The following RPAP2 variants were observed in gnomAD, a reference collection of about 807,000 sequenced individuals.
The protein encoded by RPAP2 is RNA polymerase II associated protein 2.
A neutral mutation model predicts 73.1 loss-of-function variants in RPAP2; 52 were observed. The ratio of observed to expected loss-of-function variants is 0.71; its 90% CI spans 0.57 to 0.90. The LOEUF (loss-of-function observed/expected upper bound fraction) is 0.90. Among genes scored for constraint, RPAP2 ranks in the 40% least tolerant of loss-of-function variants. The pLI is 0.00. For missense variants in RPAP2, 598 were observed against 701.8 expected (o/e 0.85, Z 1.67); for synonymous variants, 225 against 242.1 (o/e 0.93, Z 0.65).
chr1:92,353,647 T>C (rs1333629788), intron 11 of RPAP2, among the ~76,000 whole-genome samples: 2 of 152,192 alleles, frequency 1.3e-5, no homozygotes, highest in Admixed American at 1.3e-4. Flanking sequence ...CTTATATACA[T>C]CTTGAATTTG....
chr1:92,327,692 C>T (rs757468915), intron 8 of RPAP2, among the ~76,000 whole-genome samples: 17 of 150,346 alleles, frequency 1.1e-4, no homozygotes, highest in African/African-American at 1.7e-4. Context: ...TTCTATTCAT[C>T]GTGCTATTTG....
At chr1:92,350,569 C>T (rs1250531662) in intron 11 of RPAP2, among the ~76,000 whole-genome samples, 4 of 152,034 alleles carry the variant, frequency 2.6e-5, no homozygotes, top group South Asian at 2.1e-4. Flanking sequence ...ACTAAATATG[C>T]CCTATTGAGA....
chr1:92,333,333 T>C, intron 8 of RPAP2, 58 bp from the exon 9 acceptor site: 1 of 1,362,128 alleles, frequency 7.3e-7, no homozygotes, highest in Non-Finnish European at 1.0e-6. Context: ...GTTCTGCTTA[T>C]CAAAGAAAGA....
chr1:92,373,851 G>A (rs1216511488), intron 11 of RPAP2, among the ~76,000 whole-genome samples: 4 of 151,566 alleles, frequency 2.6e-5, no homozygotes, highest in African/African-American at 9.7e-5. Context: ...CCCAGGAGGC[G>A]GAGGTTGCAG....
chr1:92,339,130 A>G (rs1324843061), intron 10 of RPAP2, among the ~76,000 whole-genome samples: 1 of 152,134 alleles, frequency 6.6e-6, no homozygotes, highest in Non-Finnish European at 1.5e-5. Context: ...ATATTTTTCT[A>G]TAGATCTAAT....
At chr1:92,300,163 T>G in intron 1 of RPAP2, 31 bp from the exon 2 acceptor site, 1 of 1,521,534 alleles carries the variant, frequency 6.6e-7, no homozygotes, top group Non-Finnish European at 9.1e-7. Flanking sequence ...GAAATGTCAT[T>G]ATGTAGCACA....
chr1:92,392,423 A>G lies in RPAP2; in HGVS notation c.*5412A>G, dbSNP rs936665972. On this transcript the variant is annotated 3_prime_UTR_variant, in exon 13 of 13. Transcript: ENST00000610020. ...GTTATTTATGACAAACCCACAGCCA[A>G]TAGCATACTGAATGGGCAAAAGCTG... 12 of 152,218 alleles carry G rather than the reference A, an allele frequency of 7.9e-5. No homozygotes were observed. The highest frequency in any genetic ancestry group is 2.9e-4 in the African/African-American group (12 of 41,452). 9.4% of individuals were successfully genotyped at this position (152,218 alleles called of 1,614,324 possible). A position where few individuals can be genotyped will look rare whatever the true frequency, so the allele number is the denominator to read the frequency against.
At position 92,387,846 on chromosome 1, in the gene RPAP2, T is replaced by C. The variant is rs1311383711; in HGVS notation, c.*835T>C. The C allele has an allele frequency of 6.6e-6, 1 of 152,196 alleles. No homozygotes were observed. The allele number at this position is 152,196 out of a possible 1,614,324, so 9.4% of individuals were successfully genotyped here. A position where few individuals can be genotyped will look rare whatever the true frequency, so the allele number is the denominator to read the frequency against. On this transcript the variant is annotated 3_prime_UTR_variant, in exon 13 of 13. Transcript: ENST00000610020. ...AGCTCTGTGGCCCAGTCACCTAAAC[T>C]TTCTGGACTTCAGTTCAGGTTGTAT... is the stretch of plus-strand genomic sequence containing the variant.
In RPAP2 at chr1:92,383,984, G is replaced by A. The variant is rs148751625; in HGVS notation, c.*-3027G>A. Among the ~76,000 whole-genome samples the A allele has an allele frequency of 3.8e-3, 557 of 145,030 alleles. 3 individuals carry two copies. Among genetic ancestry groups the A allele is most frequent in the East Asian group, 0.015 (73 of 4,928 alleles). On this transcript the variant is annotated intron_variant, in intron 12 of 12. Transcript: ENST00000610020. ...AAAACAATCTTTTTTTTTTTGAGAC[G>A]GAGTCTCGCTCTGTTGCCAGGCTGG...
At chr1:92,335,128 T>G (rs1436780111) in intron 9 of RPAP2, among the ~76,000 whole-genome samples, 4 of 151,118 alleles carry the variant, frequency 2.6e-5, no homozygotes, top group Non-Finnish European at 5.9e-5. Flanking sequence ...TTCTCCATAG[T>G]GGGTGTACTA....
rs530908177 is a variant in RPAP2, at chr1:92,377,516, C to CA, written c.1689-3184dup. ...CTAATGACAGAGCGAAACTTTGTCTCAAAAAAAAAAAAAAAAAAAAAAAAG... is the reference window on the plus strand; with the variant it reads ...CTAATGACAGAGCGAAACTTTGTCTCAAAAAAAAAAAAAAAAAAAAAAAAAG... On this transcript the variant is annotated intron_variant, in intron 11 of 12. Coordinates refer to ENST00000610020, the MANE Select transcript of RPAP2 (RefSeq NM_024813.3). 4.1e-3 allele frequency among the ~76,000 whole-genome samples: 316 copies of CA among 76,462 alleles called. 4 individuals are homozygous for CA. The highest frequency in any genetic ancestry group is 6.2e-3 in the Admixed American group (40 of 6,468). 50.2% of individuals were successfully genotyped at this position (76,462 alleles called of 152,430 possible). A position where few individuals can be genotyped will look rare whatever the true frequency, so the allele number is the denominator to read the frequency against.
rs1287581689 is a variant in RPAP2, at chr1:92,391,625, T to C, written c.*4614T>C. Reference sequence around the variant, plus strand: ...TTTTTGAAAAGATCAACAAAATTGATAGACCGTTAGCAAGGCTAAAAAAGA... The same window carrying C: ...TTTTTGAAAAGATCAACAAAATTGACAGACCGTTAGCAAGGCTAAAAAAGA... On this transcript the variant is annotated 3_prime_UTR_variant, in exon 13 of 13. Coordinates refer to ENST00000610020, the MANE Select transcript of RPAP2 (RefSeq NM_024813.3). 1.3e-5 allele frequency: 2 copies of C among 151,994 alleles called. No homozygotes were observed. The highest frequency in any genetic ancestry group is 2.4e-5 in the African/African-American group (1 of 41,346). 9.4% of individuals were successfully genotyped at this position (151,994 alleles called of 1,614,324 possible).
intron 11 of RPAP2, among the ~76,000 whole-genome samples, chr1:92,377,961 T>A (rs1350639266): frequency 6.6e-6 from 1 of 152,238 alleles, no homozygotes; most frequent in Non-Finnish European, 1.5e-5. Context: ...TTCTCTGTAA[T>A]AACTCTTTAC....
chr1:92,374,325 A>G (rs1416638648), intron 11 of RPAP2, among the ~76,000 whole-genome samples: 3 of 152,220 alleles, frequency 2.0e-5, no homozygotes, highest in Non-Finnish European at 4.4e-5. Context: ...TTAGGAGGCC[A>G]TTACTGACCA....
intron 6 of RPAP2, 42 bp downstream of exon 6, chr1:92,307,318 T>C: frequency 7.5e-7 from 1 of 1,335,676 alleles, no homozygotes; most frequent in Non-Finnish European, 1.0e-6. Flanking sequence ...TCATATATTC[T>C]AATAATTTGT....
chr1:92,335,070 G>T (rs991625989), intron 9 of RPAP2, among the ~76,000 whole-genome samples: 4 of 152,150 alleles, frequency 2.6e-5, no homozygotes, highest in Non-Finnish European at 5.9e-5. Context: ...GCTTGAGCAC[G>T]AGAGTTTGAG....
rs891313379 is a variant in RPAP2, at chr1:92,302,079, G to A, written c.234+489G>A. On this transcript the variant is annotated intron_variant, in intron 3 of 12. Coordinates refer to ENST00000610020, the MANE Select transcript of RPAP2 (RefSeq NM_024813.3). ...GCGGATCACTTGAGGTCAGGAGTTC[G>A]AGACCAGCCTGGCCAACATGGTGAA... Among the ~76,000 whole-genome samples, 18 of 152,230 alleles carry A rather than the reference G, an allele frequency of 1.2e-4. 1 individual carries two copies. Among genetic ancestry groups the A allele is most frequent in the Admixed American group, 1.0e-3 (16 of 15,298 alleles).
intron 12 of RPAP2, among the ~76,000 whole-genome samples, chr1:92,382,771 A>T (rs539353751): frequency 1.3e-5 from 2 of 152,006 alleles, no homozygotes; most frequent in Non-Finnish European, 2.9e-5. Flanking sequence ...TCTTTAGTTT[A>T]ATTAGATCCC....
At chr1:92,354,890 A>AATTATTATTATTATT (rs58610684) in intron 11 of RPAP2, among the ~76,000 whole-genome samples, 29 of 147,684 alleles carry the variant, frequency 2.0e-4, no homozygotes, top group African/African-American at 6.7e-4. Context: ...AATTTATGTA[A>AATTATTATTATTATT]ATTATTATTA....
Sources: allele counts gnomAD v4.1 joint callset (sites outside exome capture counted in the v4.1 genomes callset), GRCh38; gene constraint gnomAD v4.1.1; transcripts MANE v1.5; gene names NCBI Gene and HGNC (gene_info 2026-07-23, HGNC 2026-07-21).